The following USF3 variants were observed in gnomAD, a reference collection of about 807,000 sequenced individuals.
USF3 encodes upstream transcription factor family member 3.
Under a neutral mutation model 157.5 loss-of-function variants are expected in USF3, and 29 were observed. The observed-to-expected ratio is 0.18, with a 90% CI of 0.14 to 0.25. USF3 has a LOEUF of 0.25. Among genes scored for constraint, USF3 ranks in the 10% least tolerant of loss-of-function variants. The pLI is 1.00. For synonymous variants in USF3, 893 were observed against 941.4 expected (o/e 0.95, Z 0.94); for missense variants, 2,381 against 2,667.6 (o/e 0.89, Z 2.37).
intron 4 of USF3, among the ~76,000 whole-genome samples, chr3:113,672,275 C>G (rs760393039): frequency 4.6e-5 from 7 of 151,910 alleles, no homozygotes; most frequent in Non-Finnish European, 7.4e-5. Flanking sequence ...CAGGCACGCA[C>G]CACCATACCC....
chr3:113,660,862 A>C lies in USF3; in HGVS notation c.820T>G (p.Cys274Gly). 3 of 1,614,114 alleles carry C rather than the reference A, an allele frequency of 1.9e-6. No homozygotes were observed. Among genetic ancestry groups the C allele is most frequent in the Non-Finnish European group, 2.5e-6 (3 of 1,179,988 alleles). Residue 274 changes from cysteine (C) to glycine (G), a missense_variant, in exon 7 of 7, where the codon TGC becomes GGC. Cys to Gly is a radical substitution (Grantham distance 159, BLOSUM62 -3). Around this residue, in one of 6 missense-constraint regions of USF3, gnomAD observed 1,435 missense variants for 1,550.9 expected, o/e 0.93. Transcript: ENST00000316407. The stretch of plus-strand genomic sequence containing the variant: ...TCAGAAGAATTTTGATCATTTAGGC[A>C]TGTGTGCAAAGAATGATGTTGGTGA... ...EPHQHHSLHT[C>G]LNDQNSSENK...
intron 1 of USF3, among the ~76,000 whole-genome samples, chr3:113,684,136 A>G (rs1379368367): frequency 1.3e-5 from 2 of 152,146 alleles, no homozygotes; most frequent in African/African-American, 4.8e-5. Flanking sequence ...ATATTCTAGG[A>G]TAAAAGTCTT....
intron 1 of USF3, among the ~76,000 whole-genome samples, chr3:113,687,965 G>T (rs1046899124): frequency 6.6e-6 from 1 of 152,210 alleles, no homozygotes; most frequent in African/African-American, 2.4e-5. Flanking sequence ...AGCTTGCTTT[G>T]TAGTATAACT....
In USF3 at chr3:113,652,108, A is replaced by AGTGTGTGTGTGTGTGTGTGTGTGT. The variant is rs5851904; in HGVS notation, c.*2812_*2835dup. The AGTGTGTGTGTGTGTGTGTGTGTGT allele has an allele frequency of 6.3e-5, 9 of 142,084 alleles. No homozygotes were observed. Among genetic ancestry groups the AGTGTGTGTGTGTGTGTGTGTGTGT allele is most frequent in the African/African-American group, 2.3e-4 (9 of 38,386 alleles). The allele number at this position is 142,084 out of a possible 1,614,324, so 8.8% of individuals were successfully genotyped here. A position where few individuals can be genotyped will look rare whatever the true frequency, so the allele number is the denominator to read the frequency against. On this transcript the variant is annotated 3_prime_UTR_variant, in exon 7 of 7. Transcript: ENST00000316407. The stretch of plus-strand genomic sequence containing the variant: ...TGGAGAGAGAGAGAGAGAGAGAGAG[A>AGTGTGTGTGTGTGTGTGTGTGTGT]GTGTGTGTGTGTGTGTGTGTGTGTG...
At chr3:113,663,025 T>A (rs1284713446) in intron 6 of USF3, among the ~76,000 whole-genome samples, 2 of 149,868 alleles carry the variant, frequency 1.3e-5, no homozygotes, top group Non-Finnish European at 3.0e-5. Context: ...TAGGAGGGCC[T>A]GAGTCCAAGG....
rs765014798 is a variant in USF3 at position 113,658,112 on chromosome 3, TTC to T, written c.3568_3569del (p.Glu1190SerfsTer5). ...IPKESGTGQAEATPNEFNSQG... is the reference protein window; with the variant it reads ...IPKESGTGQAXATPNEFNSQG... ...GAGAATTAAATTCATTTGGTGTTGC[TTC>T]TGCCTGTCCTGTGCCACTCTCTTTA... On this transcript the variant is annotated frameshift_variant, in exon 7 of 7. Transcript: ENST00000316407. LOFTEE classifies it high-confidence loss of function. 69 of 1,614,076 alleles carry T rather than the reference TTC, an allele frequency of 4.3e-5. 1 individual carries two copies. The highest frequency in any genetic ancestry group is 5.5e-5 in the Non-Finnish European group (65 of 1,180,036).
At position 113,655,466 on chromosome 3, in the gene USF3, G is replaced by C; in HGVS notation, c.6216C>G (p.Gly2072=). 1 of 1,613,912 alleles carries C rather than the reference G, an allele frequency of 6.2e-7. No homozygotes were observed. ...CATTAGCATTTATTGGTGGATTCATGCCACCCTCAGGAATAAAAGAAAAAC... is the reference window on the plus strand; with the variant it reads ...CATTAGCATTTATTGGTGGATTCATCCCACCCTCAGGAATAAAAGAAAAAC... ...NFGFSFIPEG[G]MNPPINANAS... Residue 2072 remains glycine, a synonymous_variant, in exon 7 of 7, where the codon GGC becomes GGG. Transcript: ENST00000316407.
chr3:113,672,733 T>C (rs1043608121), intron 4 of USF3, among the ~76,000 whole-genome samples: 5 of 152,178 alleles, frequency 3.3e-5, no homozygotes, highest in Non-Finnish European at 5.9e-5. Context: ...TACTTTTCCA[T>C]AGATAAAATT....
In USF3 at chr3:113,657,087, T is replaced by C. The variant is rs759954230; in HGVS notation, c.4595A>G (p.Gln1532Arg). 6.8e-6 allele frequency: 11 copies of C among 1,614,156 alleles called. No homozygotes were observed. In the East Asian group the frequency reaches 1.8e-4, roughly 26 times the overall value. The change falls in exon 7 of 7, where the codon CAG becomes CGG. Residue 1532 changes from glutamine (Q) to arginine (R), a missense_variant. Coordinates refer to ENST00000316407, the MANE Select transcript of USF3 (RefSeq NM_001009899.4). Reference protein sequence around the residue: ...QKKRNLVQGTQTSQLSLQPKH... With the variant: ...QKKRNLVQGTRTSQLSLQPKH... ...TGGTTGTAAGGAAAGCTGAGAGGTC[T>C]GGGTGCCCTGAACAAGATTCCTCTT...
At chr3:113,678,374 T>C (rs1328737820) in intron 1 of USF3, among the ~76,000 whole-genome samples, 1 of 152,032 alleles carries the variant, frequency 6.6e-6, no homozygotes, top group Non-Finnish European at 1.5e-5. Flanking sequence ...TAATAACCAA[T>C]ATCTAAAATC....
Position 113,655,729 on chromosome 3 carries a change from T to C in USF3, c.5953A>G (p.Ser1985Gly). 1 of 1,613,998 alleles carries C rather than the reference T, an allele frequency of 6.2e-7. No homozygotes were observed. The highest frequency in any genetic ancestry group is 8.5e-7 in the Non-Finnish European group (1 of 1,179,954). The change falls in exon 7 of 7, where the codon AGC (serine) becomes GGC (glycine). Residue 1985 changes from serine to glycine, a missense_variant. This residue lies in a region of USF3 where 770 missense variants were observed against 824.2 expected (regional missense o/e 0.93). Coordinates refer to ENST00000316407, the MANE Select transcript of USF3 (RefSeq NM_001009899.4). Reference sequence around the variant, plus strand: ...GGCTGACGAATTTTGGAACCACTGCTGTCTTGCAGGGGATGCCTTGATCTC... The same window carrying C: ...GGCTGACGAATTTTGGAACCACTGCCGTCTTGCAGGGGATGCCTTGATCTC... ...PQRSRHPLQD[S>G]SGSKIRQPER...
At position 113,657,791 on chromosome 3, in the gene USF3, T is replaced by C. The variant is rs1180501181; in HGVS notation, c.3891A>G (p.Gln1297=). The C allele has an allele frequency of 3.7e-6, 6 of 1,614,068 alleles. No homozygotes were observed. The highest frequency in any genetic ancestry group is 5.1e-6 in the Non-Finnish European group (6 of 1,180,032). The change falls in exon 7 of 7, where the codon CAA becomes CAG. Residue 1297 remains glutamine (Q), a synonymous_variant. Transcript: ENST00000316407. ...TACTAGTCATAGTATTTAGCTGTTC[T>C]TGGGAATATTCAGTCATCAGAGATG... ...PGPSLMTEYS[Q]EQLNTMTSTI...
chr3:113,692,749 T>C (rs937765252), intron 1 of USF3, among the ~76,000 whole-genome samples: 13 of 152,228 alleles, frequency 8.5e-5, no homozygotes, highest in African/African-American at 3.1e-4. Flanking sequence ...AAACAACTTA[T>C]CATGTCCTAC....
At position 113,653,868 on chromosome 3, in the gene USF3, A is replaced by G. The variant is rs1270193575; in HGVS notation, c.*1076T>C. The G allele has an allele frequency of 6.6e-6, 1 of 152,232 alleles. No individual in the cohort carries two copies. The highest frequency in any genetic ancestry group is 1.5e-5 in the Non-Finnish European group (1 of 68,038). 9.4% of individuals were successfully genotyped at this position (152,232 alleles called of 1,614,324 possible). A position where few individuals can be genotyped will look rare whatever the true frequency, so the allele number is the denominator to read the frequency against. ...TCTCATTATAATTCTGTTATGAAGG[A>G]TAATAATGAAATATACAATGCCATA... is the stretch of plus-strand genomic sequence containing the variant. On this transcript the variant is annotated 3_prime_UTR_variant, in exon 7 of 7. Transcript: ENST00000316407.
At position 113,656,130 on chromosome 3, in the gene USF3, G is replaced by A; in HGVS notation, c.5552C>T (p.Ser1851Phe). The change falls in exon 7 of 7, where the codon TCC (serine) becomes TTC (phenylalanine). Residue 1851 changes from serine to phenylalanine, a missense_variant. By Grantham distance (155) the Ser-to-Phe change is radical. Coordinates refer to ENST00000316407, the MANE Select transcript of USF3 (RefSeq NM_001009899.4). ...EHQRNTQCGP[S>F]SAIEYNCPPT... Reference sequence around the variant, plus strand: ...GGGACAATTATATTCAATTGCAGAGGATGGACCACACTGTGTATTCCTCTG... The same window carrying A: ...GGGACAATTATATTCAATTGCAGAGAATGGACCACACTGTGTATTCCTCTG... 1 of 1,614,156 alleles carries A rather than the reference G, an allele frequency of 6.2e-7. No individual in the cohort carries two copies. The highest frequency in any genetic ancestry group is 1.1e-5 in the South Asian group (1 of 91,086).
Position 113,659,595 on chromosome 3 carries a change from C to T in USF3, c.2087G>A (p.Ser696Asn). The change falls in exon 7 of 7, where the codon AGC (serine) becomes AAC (asparagine). Residue 696 changes from serine to asparagine, a missense_variant. This residue lies in a region of USF3 where 1,435 missense variants were observed against 1,550.9 expected (regional missense o/e 0.93). Transcript: ENST00000316407. The part of the protein sequence containing the change: ...TPMQIIQPTT[S>N]EDPNTNVALN... Reference sequence around the variant, plus strand: ...GGCAACATTGGTATTTGGATCTTCGCTGGTGGTGGGTTGAATAATTTGCAT... The same window carrying T: ...GGCAACATTGGTATTTGGATCTTCGTTGGTGGTGGGTTGAATAATTTGCAT... 2 of 1,613,992 alleles carry T rather than the reference C, an allele frequency of 1.2e-6. No individual in the cohort carries two copies. The highest frequency in any genetic ancestry group is 1.1e-5 in the South Asian group (1 of 91,084).
chr3:113,655,390 G>A lies in USF3; in HGVS notation c.6292C>T (p.Leu2098Phe), dbSNP rs1194651311. The A allele has an allele frequency of 6.2e-7, 1 of 1,614,130 alleles. No homozygotes were observed. Among genetic ancestry groups the A allele is most frequent in the Admixed American group, 1.7e-5 (1 of 60,016 alleles). Residue 2098 changes from leucine to phenylalanine, a missense_variant, in exon 7 of 7, where the codon CTC becomes TTC. Leu to Phe is a conservative substitution (Grantham distance 22). This residue lies in a region of USF3 where 770 missense variants were observed against 824.2 expected (regional missense o/e 0.93). Coordinates refer to ENST00000316407, the MANE Select transcript of USF3 (RefSeq NM_001009899.4). The part of the protein sequence containing the change: ...TQPSATRTPA[L>F]IPVDPQNTLP... ...GTATTTTGCGGATCTACCGGGATGA[G>A]GGCTGGAGTTCGAGTGGCACTAGGC...
At chr3:113,676,851 C>T (rs1354541727) in intron 2 of USF3, among the ~76,000 whole-genome samples, 3 of 152,140 alleles carry the variant, frequency 2.0e-5, no homozygotes, top group African/African-American at 7.2e-5. Context: ...ATCTCAGATG[C>T]TTCATCTACA....
chr3:113,670,719 C>T (rs553606390), intron 4 of USF3, among the ~76,000 whole-genome samples: 1 of 152,204 alleles, frequency 6.6e-6, no homozygotes, highest in Non-Finnish European at 1.5e-5. Context: ...TTTTTTAAAT[C>T]TAGTGTTACA....
Sources: allele counts gnomAD v4.1 joint callset (sites outside exome capture counted in the v4.1 genomes callset), GRCh38; gene constraint gnomAD v4.1.1; regional missense constraint gnomAD v4.1.1; transcripts MANE v1.5; gene names NCBI Gene and HGNC (gene_info 2026-07-23, HGNC 2026-07-21).